The following FANCM variants were observed in gnomAD, a reference collection of about 807,000 sequenced individuals.
The protein encoded by FANCM is FA complementation group M, also known as Fanconi anemia group M protein.
FANCM carries 140 observed loss-of-function variants against 199.5 expected under a neutral mutation model. That is an observed-to-expected ratio of 0.70 (90% CI 0.61 to 0.81). The LOEUF is 0.81. FANCM is among the 30% of genes least tolerant of loss of function. The pLI is 0.00. For missense variants in FANCM, 2,410 were observed against 2,421.4 expected (o/e 1.00, Z 0.10); for synonymous variants, 840 against 836.8 (o/e 1.00, Z -0.07).
In FANCM at chr14:45,199,969, A is replaced by C; in HGVS notation, c.6108A>C (p.Pro2036=). The C allele has an allele frequency of 6.2e-7, 1 of 1,609,542 alleles. No individual in the cohort carries two copies. Among genetic ancestry groups the C allele is most frequent in the Non-Finnish European group, 8.5e-7 (1 of 1,176,342 alleles). ...IHYVFDIQML[P]NDLNQDRLKS... ...ATGTATTTGACATACAAATGTTACC[A>C]AATGATCTTAACCAAGATAGACTGA... The change falls in exon 23 of 23, where the codon CCA becomes CCC. Residue 2036 remains proline (P), a synonymous_variant. Transcript: ENST00000267430.
chr14:45,137,369 G>T, intron 2 of FANCM, 128 bp downstream of exon 2: 1 of 725,506 alleles, frequency 1.4e-6, no homozygotes, highest in Non-Finnish European at 2.4e-6. Context: ...TATTATCTCA[G>T]AACAGATGGT....
intron 17 of FANCM, among the ~76,000 whole-genome samples, chr14:45,184,167 A>G (rs1003539660): frequency 3.9e-5 from 6 of 152,136 alleles, no homozygotes; most frequent in Non-Finnish European, 8.8e-5. Context: ...TATGTTTCAA[A>G]TTGAAGAAAA....
At chr14:45,162,908 G>GTGT (rs1273087911) in intron 9 of FANCM, among the ~76,000 whole-genome samples, 1 of 151,430 alleles carries the variant, frequency 6.6e-6, no homozygotes, top group Non-Finnish European at 1.5e-5. Context: ...CTGCTTTACT[G>GTGT]TGTTATATGC....
rs756040772 is a variant in FANCM at position 45,185,298 on chromosome 14, G to A, written c.4597G>A (p.Glu1533Lys). 5.0e-6 allele frequency: 8 copies of A among 1,598,522 alleles called. No individual in the cohort carries two copies. The highest frequency in any genetic ancestry group is 5.1e-6 in the Non-Finnish European group (6 of 1,167,672). ...ATATGTTTCATCAGATGAAAATGAT[G>A]AGTCAGAAAATGAACAAGATTCCTC... is the stretch of plus-strand genomic sequence containing the variant. The part of the protein sequence containing the change: ...AEYVSSDEND[E>K]SENEQDSSLL... The change falls in exon 18 of 23, where the codon GAG becomes AAG. Residue 1533 changes from glutamate (E) to lysine (K), a missense_variant. By Grantham distance (56) the Glu-to-Lys change is moderately conservative. Transcript: ENST00000267430.
intron 3 of FANCM, among the ~76,000 whole-genome samples, chr14:45,145,822 G>A (rs1886323411): frequency 6.6e-6 from 1 of 152,126 alleles, no homozygotes; most frequent in Non-Finnish European, 1.5e-5. Context: ...CACTTTGGGA[G>A]GCCGAGGCGG....
intron 17 of FANCM, among the ~76,000 whole-genome samples, chr14:45,184,153 A>T (rs1285343673): frequency 6.6e-6 from 1 of 152,100 alleles, no homozygotes; most frequent in Non-Finnish European, 1.5e-5. Flanking sequence ...GTGTATTGAG[A>T]ATTTATGTTT....
chr14:45,167,010 C>G lies in FANCM; in HGVS notation c.1849C>G (p.Gln617Glu), dbSNP rs138201476. ...SIYKAISSNR[Q>E]VLHFYQRSPR... ...ATATAAAGCTATTTCAAGTAACAGG[C>G]AGGTCCTTCATTTTTACCAAAGAAG... Residue 617 changes from glutamine to glutamate, a missense_variant, in exon 11 of 23, where the codon CAG becomes GAG. Physicochemically the swap from Gln to Glu is conservative, Grantham distance 29. Transcript: ENST00000267430. 203 of 1,610,138 alleles carry G rather than the reference C, an allele frequency of 1.3e-4. No individual in the cohort carries two copies. Among genetic ancestry groups the G allele is most frequent in the African/African-American group, 1.6e-4 (12 of 74,794 alleles).
intron 8 of FANCM, among the ~76,000 whole-genome samples, chr14:45,157,908 C>T (rs989712437): frequency 7.2e-5 from 11 of 152,088 alleles, no homozygotes; most frequent in African/African-American, 2.7e-4. Flanking sequence ...TAATAAAAAT[C>T]AGTAGAGGTT....
chr14:45,184,529 G>A lies in FANCM; in HGVS notation c.4515+627G>A, dbSNP rs148936782. Among the ~76,000 whole-genome samples the A allele has an allele frequency of 6.4e-3, 978 of 151,972 alleles. 7 individuals carry two copies. The highest frequency in any genetic ancestry group is 0.022 in the African/African-American group (932 of 41,476). Reference sequence around the variant, plus strand: ...ATACAAAAATTAGCTGGGCGTGATGGCACATGCCTGTAATCCCAGCTACTC... The same window carrying A: ...ATACAAAAATTAGCTGGGCGTGATGACACATGCCTGTAATCCCAGCTACTC... On this transcript the variant is annotated intron_variant, in intron 17 of 22. Coordinates refer to ENST00000267430, the MANE Select transcript of FANCM (RefSeq NM_020937.4).
At position 45,189,307 on chromosome 14, in the gene FANCM, C is replaced by G. The variant is rs747356020; in HGVS notation, c.5285C>G (p.Pro1762Arg). ...NHNEVQSTTPPFTTVDSQKDC... is the reference protein window; with the variant it reads ...NHNEVQSTTPRFTTVDSQKDC... ...AATGAAGTCCAGTCTACCACACCAC[C>G]CTTCACTACTGTTGATTCACAGAAA... Residue 1762 changes from proline (P) to arginine (R), a missense_variant, in exon 20 of 23, where the codon CCC becomes CGC. By Grantham distance (103) the Pro-to-Arg change is moderately radical. Coordinates refer to ENST00000267430, the MANE Select transcript of FANCM (RefSeq NM_020937.4). The G allele has an allele frequency of 9.3e-6, 15 of 1,613,826 alleles. No individual in the cohort carries two copies. The Admixed American group carries it at 2.3e-4, about 25-fold the overall frequency.
chr14:45,174,318 C>T (rs536535371), intron 13 of FANCM, among the ~76,000 whole-genome samples: 13 of 151,102 alleles, frequency 8.6e-5, no homozygotes, highest in East Asian at 3.9e-4. Flanking sequence ...ACCCGGGAAG[C>T]GGAGGTTGCA....
intron 4 of FANCM, among the ~76,000 whole-genome samples, chr14:45,150,301 T>G (rs1886724319): frequency 6.6e-6 from 1 of 152,218 alleles, no homozygotes; most frequent in Non-Finnish European, 1.5e-5. Context: ...TAGTGCATTT[T>G]TAATTGAAAA....
At chr14:45,142,456 G>T (rs1303995061) in intron 3 of FANCM, among the ~76,000 whole-genome samples, 1 of 151,704 alleles carries the variant, frequency 6.6e-6, no homozygotes, top group Non-Finnish European at 1.5e-5. Flanking sequence ...ACAGTCACCC[G>T]CCACCATGCC....
intron 20 of FANCM, among the ~76,000 whole-genome samples, chr14:45,191,263 C>A (rs924024855): frequency 2.6e-5 from 4 of 151,940 alleles, no homozygotes; most frequent in Non-Finnish European, 5.9e-5. Flanking sequence ...GTGTGTTGGC[C>A]TTGGTTCTAG....
intron 9 of FANCM, among the ~76,000 whole-genome samples, chr14:45,160,490 G>GT (rs1887521597): frequency 1.4e-5 from 2 of 138,308 alleles, no homozygotes; most frequent in African/African-American, 5.3e-5. Context: ...GCCCAGCTAA[G>GT]TTTTTTTGTA....
At chr14:45,192,974 T>TCAGG (rs1889857756) in intron 20 of FANCM, among the ~76,000 whole-genome samples, 1 of 152,188 alleles carries the variant, frequency 6.6e-6, no homozygotes. Flanking sequence ...CACACACTCA[T>TCAGG]CAGGCGTTCA....
Position 45,198,879 on chromosome 14 carries a change from T to C in FANCM, c.5952T>C (p.Tyr1984=), listed in dbSNP as rs1890216659. 6.2e-7 allele frequency: 1 copy of C among 1,611,682 alleles called. No individual in the cohort carries two copies. Among genetic ancestry groups the C allele is most frequent in the Admixed American group, 1.7e-5 (1 of 59,988 alleles). The change falls in exon 22 of 23, where the codon TAT becomes TAC. Residue 1984 remains tyrosine (Y), a synonymous_variant. Transcript: ENST00000267430. The stretch of plus-strand genomic sequence containing the variant: ...ATTTAAGTATTCCCAATATAAGTTA[T>C]ATAACTGCATTAAATATGTGTCACC... ...QFYLSIPNIS[Y]ITALNMCHQF...
chr14:45,172,252 A>T (rs1336003880), intron 12 of FANCM, among the ~76,000 whole-genome samples: 1 of 152,096 alleles, frequency 6.6e-6, no homozygotes, highest in African/African-American at 2.4e-5. Context: ...GTGCAAAAGC[A>T]TTTAGTTTAA....
At chr14:45,198,601 ATTAG>A (rs1566792809) in intron 21 of FANCM, 39 bp from the exon 22 acceptor site, 2 of 1,360,060 alleles carry the variant, frequency 1.5e-6, no homozygotes, top group Non-Finnish European at 2.1e-6. Flanking sequence ...TCTACTTAAT[ATTAG>A]TTACTGAAGT....
Sources: allele counts gnomAD v4.1 joint callset (sites outside exome capture counted in the v4.1 genomes callset), GRCh38; gene constraint gnomAD v4.1.1; transcripts MANE v1.5; gene names NCBI Gene and HGNC (gene_info 2026-07-23, HGNC 2026-07-21).